COL21A1: variants seen among roughly 807,000 people sequenced by gnomAD.
COL21A1 encodes the protein collagen alpha-1(XXI) chain.
Under a neutral mutation model 137.9 loss-of-function variants are expected in COL21A1, and 149 were observed. The ratio of observed to expected loss-of-function variants is 1.08; its 90% confidence interval spans 0.95 to 1.24. The LOEUF (loss-of-function observed/expected upper bound fraction) is 1.24, where lower values mean the gene tolerates loss of function less well. Ranked by LOEUF, COL21A1 falls within the 50% of genes most tolerant of loss-of-function variation. The pLI, the probability that COL21A1 is intolerant of heterozygous loss-of-function variation, is 0.00. For missense variants in COL21A1, 1,167 were observed against 1,158.4 expected, an observed-to-expected ratio of 1.01 and a Z score of -0.11; for synonymous variants, 456 against 391.5, an observed-to-expected ratio of 1.16 and a Z score of -1.95.
chr6:56,344,853 C>T (rs1431354932), intron 1 of COL21A1, among the ~76,000 whole-genome samples: 1 of 74,168 alleles, frequency 1.3e-5, no homozygotes, highest in Non-Finnish European at 2.9e-5. Context: ...TTCCCCTTTG[C>T]CTTCCACCGT....
intron 1 of COL21A1, among the ~76,000 whole-genome samples, chr6:56,219,397 G>C (rs1395270793): frequency 6.6e-6 from 1 of 151,930 alleles, no homozygotes; most frequent in Non-Finnish European, 1.5e-5. Flanking sequence ...TTGATCAACA[G>C]AAAGGGCCCA....
At chr6:56,072,953 A>G (rs1043619540) in intron 20 of COL21A1, among the ~76,000 whole-genome samples, 1 of 151,538 alleles carries the variant, frequency 6.6e-6, no homozygotes, top group African/African-American at 2.4e-5. Context: ...ACAAACTGTG[A>G]TACTGGAAAT....
intron 1 of COL21A1, among the ~76,000 whole-genome samples, chr6:56,283,027 A>T (rs936918476): frequency 3.9e-5 from 6 of 152,224 alleles, no homozygotes; most frequent in Non-Finnish European, 2.9e-5. Context: ...CAATAATGAG[A>T]TGTTATAGAA....
chr6:56,184,237 C>A (rs1056631398), intron 1 of COL21A1, among the ~76,000 whole-genome samples: 2 of 152,060 alleles, frequency 1.3e-5, no homozygotes, highest in Admixed American at 6.5e-5. Flanking sequence ...ACATCATATT[C>A]AATCAACTGA....
At chr6:56,386,588 CTTGTTG>C (rs142373993) in intron 1 of COL21A1, among the ~76,000 whole-genome samples, 3 of 151,666 alleles carry the variant, frequency 2.0e-5, no homozygotes, top group Admixed American at 1.3e-4. Context: ...CTTGATAAAA[CTTGTTG>C]TTGTTGTTTT....
intron 18 of COL21A1, among the ~76,000 whole-genome samples, chr6:56,077,313 A>G (rs1340406616): frequency 6.6e-6 from 1 of 151,466 alleles, no homozygotes; most frequent in African/African-American, 2.4e-5. Flanking sequence ...AAAGTAAAGG[A>G]GGAAGCATAT....
chr6:56,375,495 G>A (rs1347031416), intron 1 of COL21A1, among the ~76,000 whole-genome samples: 3 of 152,148 alleles, frequency 2.0e-5, no homozygotes, highest in Admixed American at 6.5e-5. Flanking sequence ...GGAAAGGCAC[G>A]GCCTCCAGGT....
At chr6:56,155,065 C>G (rs1049950735) in intron 10 of COL21A1, among the ~76,000 whole-genome samples, 4 of 152,200 alleles carry the variant, frequency 2.6e-5, no homozygotes, top group African/African-American at 9.6e-5. Context: ...CCTCTCCCCC[C>G]TCCCACCTTC....
chr6:56,263,543 A>C (rs1370110948), intron 1 of COL21A1, among the ~76,000 whole-genome samples: 1 of 152,226 alleles, frequency 6.6e-6, no homozygotes, highest in East Asian at 1.9e-4. Context: ...AAAGATGCCT[A>C]AGCTGAAGAG....
In COL21A1 at chr6:56,166,940, T is replaced by C. The variant is rs765603104; in HGVS notation, c.1244A>G (p.Asn415Ser). ...AATCTCACATGCTGTCTCCCGGTTG[T>C]TCTGTTCTGGGTCACAGTAGATTCG... ...KLRIYCDPEQ[N>S]NRETACEIPG... is the part of the protein sequence containing the mutation. The change falls in exon 7 of 30, where the codon AAC becomes AGC. Residue 415 changes from asparagine (N) to serine (S), a missense_variant. Physicochemically the swap from Asn to Ser is conservative, Grantham distance 46. Coordinates refer to ENST00000244728, the MANE Select transcript of COL21A1 (RefSeq NM_030820.4). 6.2e-7 allele frequency: 1 copy of C among 1,613,004 alleles called. No homozygotes were observed. Among genetic ancestry groups the C allele is most frequent in the Non-Finnish European group, 8.5e-7 (1 of 1,179,450 alleles).
chr6:56,379,754 A>T (rs1454750638), intron 1 of COL21A1, among the ~76,000 whole-genome samples: 3 of 152,224 alleles, frequency 2.0e-5, no homozygotes, highest in Non-Finnish European at 4.4e-5. Context: ...ACACATAGGC[A>T]AAGTATGAGA....
intron 12 of COL21A1, among the ~76,000 whole-genome samples, chr6:56,133,127 G>A (rs910387220): frequency 4.6e-5 from 7 of 152,202 alleles, no homozygotes; most frequent in African/African-American, 1.7e-4. Context: ...GAACAGTTTG[G>A]AGGGCTCAGA....
chr6:56,166,337 T>C (rs1561937324), intron 7 of COL21A1, among the ~76,000 whole-genome samples: 1 of 152,130 alleles, frequency 6.6e-6, no homozygotes, highest in Non-Finnish European at 1.5e-5. Flanking sequence ...ACTGGAATAG[T>C]CATAGTCATA....
chr6:56,172,867 T>A (rs779424791), intron 3 of COL21A1, among the ~76,000 whole-genome samples: 1 of 152,064 alleles, frequency 6.6e-6, no homozygotes, highest in East Asian at 1.9e-4. Flanking sequence ...TGATGTTTCA[T>A]GTAACCCCTA....
intron 1 of COL21A1, among the ~76,000 whole-genome samples, chr6:56,295,149 T>A (rs1764133864): frequency 1.3e-5 from 2 of 152,146 alleles, no homozygotes; most frequent in South Asian, 4.1e-4. Flanking sequence ...CATTTTATTT[T>A]ATTTTTTTTA....
At chr6:56,341,066 C>G (rs972356083) in intron 1 of COL21A1, among the ~76,000 whole-genome samples, 1 of 152,140 alleles carries the variant, frequency 6.6e-6, no homozygotes, top group African/African-American at 2.4e-5. Flanking sequence ...GTCACCACTT[C>G]AAAACTCATC....
chr6:56,362,452 ACC>A (rs1434138816), intron 1 of COL21A1, among the ~76,000 whole-genome samples: 1 of 152,184 alleles, frequency 6.6e-6, no homozygotes, highest in East Asian at 1.9e-4. Flanking sequence ...TTATAAATAG[ACC>A]AGTAGGTAAA....
intron 1 of COL21A1, among the ~76,000 whole-genome samples, chr6:56,340,900 T>C (rs1019620539): frequency 1.3e-5 from 2 of 152,132 alleles, no homozygotes; most frequent in Admixed American, 6.6e-5. Context: ...TGTCAGCAAG[T>C]GGAAAGAAAT....
chr6:56,200,860 A>G (rs1448331857), intron 1 of COL21A1, among the ~76,000 whole-genome samples: 1 of 152,112 alleles, frequency 6.6e-6, no homozygotes, highest in Non-Finnish European at 1.5e-5. Context: ...CTAGTTCTAG[A>G]TGCCTGAGGA....
Sources: allele counts gnomAD v4.1 joint callset (sites outside exome capture counted in the v4.1 genomes callset), GRCh38; gene constraint gnomAD v4.1.1; transcripts MANE v1.5; gene names NCBI Gene and HGNC (gene_info 2026-07-23, HGNC 2026-07-21).